Variants in DACH2 observed in about 807,000 individuals in gnomAD.
The protein encoded by DACH2 is dachshund homolog 2.
In DACH2, 17 loss-of-function variants were observed where a neutral mutation model predicts 35.8. The ratio of observed to expected loss-of-function variants is 0.48; its 90% confidence interval spans 0.33 to 0.71. The LOEUF (loss-of-function observed/expected upper bound fraction) is 0.71, where lower values mean the gene tolerates loss of function less well. Ranked by LOEUF, DACH2 falls within the 30% of genes least tolerant of loss-of-function variation. The pLI is 0.02. For missense variants in DACH2, 469 were observed against 472.7 expected, an observed-to-expected ratio of 0.99 and a Z score of 0.07; for synonymous variants, 195 against 177.3, an observed-to-expected ratio of 1.10 and a Z score of -0.79.
At chrX:86,569,290 C>T (rs1449034349) in intron 3 of DACH2, among the ~76,000 whole-genome samples, 3 of 111,269 alleles carry the variant, frequency 2.7e-5, no homozygotes, top group Admixed American at 1.9e-4. Flanking sequence ...TAGCAGCCCA[C>T]TTTAATGCTG....
intron 1 of DACH2, among the ~76,000 whole-genome samples, chrX:86,241,774 T>C (rs2033170541): frequency 8.9e-6 from 1 of 112,346 alleles, no homozygotes; most frequent in African/African-American, 3.2e-5. Flanking sequence ...TCAGCTACTC[T>C]GTGCAGCCTT....
intron 3 of DACH2, among the ~76,000 whole-genome samples, chrX:86,553,160 C>T (rs1271487556): frequency 9.0e-6 from 1 of 111,267 alleles, no homozygotes; most frequent in African/African-American, 3.3e-5. Flanking sequence ...AGTAGGGAAG[C>T]CGACGGTGCA....
intron 1 of DACH2, among the ~76,000 whole-genome samples, chrX:86,206,561 G>T (rs1051860865): frequency 8.9e-6 from 1 of 112,316 alleles, no homozygotes; most frequent in Non-Finnish European, 1.9e-5. Context: ...AAGGCGTCAT[G>T]ATACAATAGA....
At chrX:86,299,771 T>C (rs73516083) in intron 1 of DACH2, among the ~76,000 whole-genome samples, 6,338 of 111,832 alleles carry the variant, frequency 0.057, 435 homozygotes, top group African/African-American at 0.2. Context: ...TCAGGGCCAT[T>C]TGTGGCATTT....
At chrX:86,784,403 G>A (rs1195063006) in intron 7 of DACH2, among the ~76,000 whole-genome samples, 3 of 111,127 alleles carry the variant, frequency 2.7e-5, no homozygotes, top group Non-Finnish European at 3.8e-5. Flanking sequence ...AATTATTAGA[G>A]AAATGCAAGT....
chrX:86,424,530 T>C (rs1287546067), intron 2 of DACH2, among the ~76,000 whole-genome samples: 1 of 111,804 alleles, frequency 8.9e-6, no homozygotes, highest in Non-Finnish European at 1.9e-5. Context: ...GTTGAGGCTG[T>C]ATCCTGCCAA....
intron 10 of DACH2, 76 bp downstream of exon 10, chrX:86,814,910 A>AAAAGAGAGGAAGGCAG: frequency 9.8e-7 from 1 of 1,021,457 alleles, no homozygotes; most frequent in Non-Finnish European, 1.3e-6. Context: ...AGAAGGAATA[A>AAAAGAGAGGAAGGCAG]AAAGAGAGGA....
chrX:86,483,191 G>T (rs2037969002), intron 2 of DACH2, among the ~76,000 whole-genome samples: 1 of 109,272 alleles, frequency 9.2e-6, no homozygotes, highest in Non-Finnish European at 1.9e-5. Context: ...GGAAGTGATT[G>T]TGTGGGGCAG....
intron 6 of DACH2, among the ~76,000 whole-genome samples, chrX:86,734,711 A>G (rs917489949): frequency 9.0e-6 from 1 of 111,243 alleles, no homozygotes; most frequent in Non-Finnish European, 1.9e-5. Context: ...TAGTATTTAG[A>G]TATACCAACT....
chrX:86,510,145 ACAT>A (rs944397979), intron 2 of DACH2, among the ~76,000 whole-genome samples: 3 of 112,254 alleles, frequency 2.7e-5, no homozygotes, highest in African/African-American at 9.7e-5. Flanking sequence ...AAAGCTTATG[ACAT>A]CATTAATTAA....
intron 4 of DACH2, among the ~76,000 whole-genome samples, chrX:86,674,411 C>T (rs963330905): frequency 8.9e-6 from 1 of 112,258 alleles, no homozygotes; most frequent in African/African-American, 3.2e-5. Flanking sequence ...AATGTTCTAC[C>T]AGCAAAGAAG....
At chrX:86,399,470 C>T (rs977939355) in intron 2 of DACH2, among the ~76,000 whole-genome samples, 1 of 111,701 alleles carries the variant, frequency 9.0e-6, no homozygotes, top group Non-Finnish European at 1.9e-5. Flanking sequence ...CAGTTTCTTC[C>T]TAGCCTTGAT....
At chrX:86,468,930 T>C (rs2037718990) in intron 2 of DACH2, among the ~76,000 whole-genome samples, 1 of 111,663 alleles carries the variant, frequency 9.0e-6, no homozygotes. Context: ...TTATTGACAA[T>C]AGCCAAATAT....
chrX:86,534,386 C>T (rs1310226246), intron 3 of DACH2, among the ~76,000 whole-genome samples: 1 of 112,076 alleles, frequency 8.9e-6, no homozygotes, highest in African/African-American at 3.2e-5. Flanking sequence ...TGAATTGTAT[C>T]ATGTATGTTG....
intron 2 of DACH2, among the ~76,000 whole-genome samples, chrX:86,452,038 G>A (rs1009554662): frequency 9.0e-6 from 1 of 111,574 alleles, no homozygotes; most frequent in African/African-American, 3.3e-5. Flanking sequence ...TAACATAAAG[G>A]GATGTTGAAT....
intron 1 of DACH2, among the ~76,000 whole-genome samples, chrX:86,212,055 A>G (rs1449068859): frequency 8.9e-6 from 1 of 111,794 alleles, no homozygotes; most frequent in Non-Finnish European, 1.9e-5. Context: ...ATTTATATGT[A>G]TAAACTACTG....
intron 1 of DACH2, among the ~76,000 whole-genome samples, chrX:86,249,503 A>G (rs1471809441): frequency 1.8e-5 from 2 of 111,554 alleles, no homozygotes; most frequent in East Asian, 2.8e-4. Context: ...ACAATGAGAT[A>G]TCATCTCATA....
rs1240973743 is a variant in DACH2 at position 86,697,624 on chromosome X, C to T, written c.931+2445C>T. On this transcript the variant is annotated intron_variant, in intron 5 of 11. Coordinates refer to ENST00000373125, the MANE Select transcript of DACH2 (RefSeq NM_053281.3). ...ATACTAAGAGAATGGAAAAAATGAACATCATGAAGAACACGTGAGATAGCT... is the reference window on the plus strand; with the variant it reads ...ATACTAAGAGAATGGAAAAAATGAATATCATGAAGAACACGTGAGATAGCT... Among the ~76,000 whole-genome samples the T allele has an allele frequency of 4.6e-5, 5 of 109,621 alleles. No homozygotes were observed. In the Admixed American group the frequency reaches 4.9e-4, roughly 11 times the overall value.
intron 3 of DACH2, among the ~76,000 whole-genome samples, chrX:86,529,068 A>G (rs1478081410): frequency 8.9e-6 from 1 of 111,951 alleles, no homozygotes; most frequent in Non-Finnish European, 1.9e-5. Flanking sequence ...TTTTAGAGAA[A>G]ATGTCTTGCT....
Sources: gnomAD v4.1 joint callset for allele counts (sites outside exome capture counted in the v4.1 genomes callset) on GRCh38, gnomAD v4.1.1 for gene constraint, MANE v1.5 for transcripts, NCBI Gene and HGNC (gene_info 2026-07-23, HGNC 2026-07-21) for gene names.